Variants in ENOX1 observed in about 807,000 individuals in gnomAD.
The protein encoded by ENOX1 is candidate growth-related and time keeping constitutive hydroquinone (NADH) oxidase.
ENOX1 carries 42 observed loss-of-function variants against 82.5 expected under a neutral mutation model. The observed-to-expected ratio is 0.51, with a 90% CI of 0.40 to 0.66. The LOEUF (loss-of-function observed/expected upper bound fraction) is 0.66. ENOX1 is among the 30% of genes least tolerant of loss of function. ENOX1 has a pLI of 0.00. For synonymous variants in ENOX1, 271 were observed against 282.2 expected (o/e 0.96, Z 0.40); for missense variants, 608 against 811.6 (o/e 0.75, Z 3.05).
At chr13:43,622,680 C>T (rs1394805703) in intron 2 of ENOX1, among the ~76,000 whole-genome samples, 1 of 152,060 alleles carries the variant, frequency 6.6e-6, no homozygotes, top group Admixed American at 6.5e-5. Flanking sequence ...GCAATGGACT[C>T]CATGAGGGTC....
intron 5 of ENOX1, among the ~76,000 whole-genome samples, chr13:43,407,646 A>G (rs180955163): frequency 1.1e-4 from 16 of 152,324 alleles, no homozygotes; most frequent in African/African-American, 3.8e-4. Context: ...AGAACTACTT[A>G]TTGCACATTA....
At chr13:43,665,576 C>T (rs986268500) in intron 2 of ENOX1, among the ~76,000 whole-genome samples, 19 of 152,050 alleles carry the variant, frequency 1.2e-4, no homozygotes, top group Admixed American at 6.5e-4. Context: ...ATGATTTAAA[C>T]GGTATTGAAT....
chr13:43,483,013 C>T (rs550401190), intron 3 of ENOX1, among the ~76,000 whole-genome samples: 2 of 152,178 alleles, frequency 1.3e-5, no homozygotes, highest in South Asian at 4.2e-4. Context: ...CCCAGCACTA[C>T]AGTAACATCT....
chr13:43,774,787 C>A (rs1357993453), intron 1 of ENOX1, among the ~76,000 whole-genome samples: 1 of 152,228 alleles, frequency 6.6e-6, no homozygotes, highest in Non-Finnish European at 1.5e-5. Flanking sequence ...GCAAGGGCAA[C>A]AAAACATCAA....
intron 2 of ENOX1, chr13:43,609,893 T>C: frequency 3.1e-6 from 3 of 981,346 alleles, no homozygotes; most frequent in Non-Finnish European, 3.6e-6. Context: ...TTCATTCATG[T>C]AAGAAATTTT....
intron 14 of ENOX1, among the ~76,000 whole-genome samples, chr13:43,259,318 G>C (rs1566358541): frequency 6.6e-6 from 1 of 152,296 alleles, no homozygotes; most frequent in East Asian, 1.9e-4. Context: ...ATGTCAGGCT[G>C]TGTGGGGACA....
intron 2 of ENOX1, among the ~76,000 whole-genome samples, chr13:43,642,687 C>T (rs1478640667): frequency 1.3e-5 from 2 of 152,190 alleles, no homozygotes; most frequent in African/African-American, 4.8e-5. Flanking sequence ...CAAGATCCCA[C>T]TGGGATTGGA....
chr13:43,604,853 T>C (rs1455887412), intron 2 of ENOX1, among the ~76,000 whole-genome samples: 1 of 152,216 alleles, frequency 6.6e-6, no homozygotes, highest in Non-Finnish European at 1.5e-5. Context: ...GATGATCTGA[T>C]ATTTGGAAAA....
At chr13:43,432,634 C>T (rs553972619) in intron 3 of ENOX1, among the ~76,000 whole-genome samples, 2 of 152,114 alleles carry the variant, frequency 1.3e-5, no homozygotes, top group African/African-American at 4.8e-5. Context: ...CAGAGTGAGA[C>T]TCTGTCTCAA....
rs57517499 is a variant in ENOX1 at position 43,493,230 on chromosome 13, G to T, written c.-218-9078C>A. ...TGAGATAGAACTGATAGGACCTATA[G>T]AGAGAGAGATGTATAATAAGGGATT... On this transcript the variant is annotated intron_variant, in intron 2 of 16. Coordinates refer to ENST00000690772, the MANE Select transcript of ENOX1 (RefSeq NM_001347969.2). 3.1e-3 allele frequency among the ~76,000 whole-genome samples: 467 copies of T among 148,336 alleles called. 1 individual carries two copies. Among genetic ancestry groups the T allele is most frequent in the African/African-American group, 0.011 (421 of 37,836 alleles).
chr13:43,705,798 T>C (rs1186202234), intron 1 of ENOX1, among the ~76,000 whole-genome samples: 1 of 152,100 alleles, frequency 6.6e-6, no homozygotes, highest in Non-Finnish European at 1.5e-5. Flanking sequence ...GATTTGAACA[T>C]TATCAGTGAA....
intron 11 of ENOX1, among the ~76,000 whole-genome samples, chr13:43,299,211 A>G (rs2046438985): frequency 6.6e-6 from 1 of 152,192 alleles, no homozygotes; most frequent in African/African-American, 2.4e-5. Context: ...GACTTCATTC[A>G]TATGTCTATC....
intron 5 of ENOX1, among the ~76,000 whole-genome samples, chr13:43,381,309 AG>A (rs1335183175): frequency 6.6e-6 from 1 of 151,766 alleles, no homozygotes; most frequent in Non-Finnish European, 1.5e-5. Context: ...AATAGCCTGT[AG>A]GTCAAACAAG....
At chr13:43,420,177 G>A (rs995018294) in intron 3 of ENOX1, among the ~76,000 whole-genome samples, 1 of 152,186 alleles carries the variant, frequency 6.6e-6, no homozygotes, top group African/African-American at 2.4e-5. Context: ...ATACTCTCGA[G>A]GTTATGGAAA....
chr13:43,412,621 C>A (rs2054201809), intron 4 of ENOX1, among the ~76,000 whole-genome samples: 1 of 152,082 alleles, frequency 6.6e-6, no homozygotes, highest in Non-Finnish European at 1.5e-5. Context: ...ATAAATAAAT[C>A]AAATTTAAAA....
chr13:43,488,698 G>C (rs1311150224), intron 2 of ENOX1, among the ~76,000 whole-genome samples: 2 of 152,204 alleles, frequency 1.3e-5, no homozygotes, highest in Non-Finnish European at 2.9e-5. Flanking sequence ...CAGAAGACTA[G>C]AGAAAGCCTG....
At chr13:43,256,472 A>G (rs1437487774) in intron 14 of ENOX1, among the ~76,000 whole-genome samples, 2 of 152,192 alleles carry the variant, frequency 1.3e-5, no homozygotes, top group Non-Finnish European at 1.5e-5. Context: ...AAAAAGACAA[A>G]TAATCTGATT....
At chr13:43,362,886 A>G (rs1301975044) in intron 5 of ENOX1, among the ~76,000 whole-genome samples, 1 of 152,114 alleles carries the variant, frequency 6.6e-6, no homozygotes, top group African/African-American at 2.4e-5. Flanking sequence ...TTAATTTCAT[A>G]GTGTATCAGT....
intron 2 of ENOX1, among the ~76,000 whole-genome samples, chr13:43,608,562 C>T (rs1219237992): frequency 6.6e-6 from 1 of 152,152 alleles, no homozygotes; most frequent in Non-Finnish European, 1.5e-5. Context: ...ATAAGCACAG[C>T]TGCAGCTAGA....
Sources: allele counts gnomAD v4.1 joint callset (sites outside exome capture counted in the v4.1 genomes callset), GRCh38; gene constraint gnomAD v4.1.1; transcripts MANE v1.5; gene names NCBI Gene and HGNC (gene_info 2026-07-23, HGNC 2026-07-21).